The following NRXN3 variants were observed in gnomAD, a reference collection of about 807,000 sequenced individuals.
The protein encoded by NRXN3 is neurexin 3, also known as neurexin III.
A neutral mutation model predicts 137.6 loss-of-function variants in NRXN3; 32 were observed. The observed-to-expected ratio is 0.23, with a 90% CI of 0.18 to 0.31. The LOEUF (loss-of-function observed/expected upper bound fraction) is 0.31. NRXN3 is among the 10% of genes least tolerant of loss of function. The pLI is 1.00. For synonymous variants in NRXN3, 798 were observed against 784.5 expected (o/e 1.02, Z -0.29); for missense variants, 1,574 against 2,062.5 (o/e 0.76, Z 4.59).
At position 79,375,373 on chromosome 14, in the gene NRXN3, C is replaced by A. The variant is rs1050482907; in HGVS notation, c.3263-91848C>A. On this transcript the variant is annotated intron_variant, in intron 15 of 20. Transcript: ENST00000335750. ...AAATGAATGCATTGTTTTGACTCTG[C>A]AGGGAAATGACATAGAGAAAATAAG... is the stretch of plus-strand genomic sequence containing the variant. Among the ~76,000 whole-genome samples the A allele has an allele frequency of 3.4e-5, 5 of 149,022 alleles. No individual in the cohort carries two copies. In the South Asian group the frequency reaches 1.1e-3, roughly 31 times the overall value.
At chr14:79,185,249 T>A (rs996825714) in intron 15 of NRXN3, among the ~76,000 whole-genome samples, 1 of 152,130 alleles carries the variant, frequency 6.6e-6, no homozygotes, top group African/African-American at 2.4e-5. Context: ...TGAAGGGAAG[T>A]CACTCCACGC....
chr14:78,171,387 G>C (rs376520775), intron 1 of NRXN3, among the ~76,000 whole-genome samples: 3 of 151,654 alleles, frequency 2.0e-5, no homozygotes, highest in East Asian at 1.9e-4. Flanking sequence ...TGTTTGGATC[G>C]GTTACAAGGG....
rs566083383 is a variant in NRXN3, at chr14:79,706,560, C to T, written c.4014+8623C>T. Among the ~76,000 whole-genome samples, 78 of 151,620 alleles carry T rather than the reference C, an allele frequency of 5.1e-4. 1 individual carries two copies. In the South Asian group the frequency reaches 6.0e-3, roughly 12 times the overall value. On this transcript the variant is annotated intron_variant, in intron 19 of 20. Coordinates refer to ENST00000335750, the MANE Select transcript of NRXN3 (RefSeq NM_001330195.2). ...AGGAGGAAAGCCTCCTAAATGCCAT[C>T]ATGTTCCCAGGCTCAGAGCGAGATC...
intron 15 of NRXN3, among the ~76,000 whole-genome samples, chr14:79,087,071 T>G (rs1170690974): frequency 6.6e-6 from 1 of 152,142 alleles, no homozygotes; most frequent in East Asian, 1.9e-4. Flanking sequence ...GTGGCCAACC[T>G]GAAGATCAAT....
chr14:79,549,561 G>GC (rs1161512738), intron 16 of NRXN3, among the ~76,000 whole-genome samples: 3 of 151,976 alleles, frequency 2.0e-5, no homozygotes, highest in African/African-American at 7.2e-5. Flanking sequence ...TGAGTTTAGG[G>GC]CCCTGGAATA....
At chr14:79,574,610 G>A (rs1170104244) in intron 16 of NRXN3, among the ~76,000 whole-genome samples, 1 of 152,076 alleles carries the variant, frequency 6.6e-6, no homozygotes, top group African/African-American at 2.4e-5. Flanking sequence ...CCTCTCCACA[G>A]AGCTGCTTGA....
chr14:78,674,707 G>A lies in NRXN3; in HGVS notation c.1221+23381G>A, dbSNP rs999000946. Among the ~76,000 whole-genome samples, 5 of 152,158 alleles carry A rather than the reference G, an allele frequency of 3.3e-5. No individual in the cohort carries two copies. In the South Asian group the frequency reaches 1.0e-3, roughly 32 times the overall value. On this transcript the variant is annotated intron_variant, in intron 6 of 20. Coordinates refer to ENST00000335750, the MANE Select transcript of NRXN3 (RefSeq NM_001330195.2). ...TTTATAGACTATTAGGGGAGAGGGGGTTGGAGAGGCAGGTGACTTTTCAGC... is the reference window on the plus strand; with the variant it reads ...TTTATAGACTATTAGGGGAGAGGGGATTGGAGAGGCAGGTGACTTTTCAGC...
At chr14:79,644,267 A>G (rs1388569729) in intron 16 of NRXN3, among the ~76,000 whole-genome samples, 2 of 135,782 alleles carry the variant, frequency 1.5e-5, no homozygotes, top group African/African-American at 2.4e-5. Context: ...TTATCTCTAT[A>G]AGTATTCTAG....
intron 16 of NRXN3, among the ~76,000 whole-genome samples, chr14:79,525,648 T>C (rs887811397): frequency 1.3e-5 from 2 of 152,342 alleles, no homozygotes; most frequent in Admixed American, 1.3e-4. Context: ...CTGTTTTCAT[T>C]GCGTGGTATT....
At chr14:78,543,342 C>T (rs73324451) in intron 4 of NRXN3, among the ~76,000 whole-genome samples, 1 of 152,292 alleles carries the variant, frequency 6.6e-6, no homozygotes, top group Non-Finnish European at 1.5e-5. Flanking sequence ...GAGAGGAAGT[C>T]TTGAGCTTTT....
intron 15 of NRXN3, among the ~76,000 whole-genome samples, chr14:79,205,827 T>A (rs1197906974): frequency 1.3e-5 from 2 of 152,198 alleles, no homozygotes; most frequent in Non-Finnish European, 1.5e-5. Context: ...ACTTTTCTTC[T>A]ATTTCTCCAT....
chr14:79,790,686 T>C (rs1727286204), intron 19 of NRXN3, among the ~76,000 whole-genome samples: 1 of 146,348 alleles, frequency 6.8e-6, no homozygotes, highest in Admixed American at 7.1e-5. Flanking sequence ...AGTGGTGTGA[T>C]CTCAGCTCAC....
Position 78,968,290 on chromosome 14 carries a change from C to G in NRXN3, c.3086C>G (p.Pro1029Arg). 6.2e-7 allele frequency: 1 copy of G among 1,614,100 alleles called. No individual in the cohort carries two copies. The highest frequency in any genetic ancestry group is 8.5e-7 in the Non-Finnish European group (1 of 1,179,994). ...LASVDLNGRL[P>R]DLINDALHRS... ...TCAGTGGACTTGAATGGACGCCTGC[C>G]AGACCTCATCAATGATGCTCTTCAT... Residue 1029 changes from proline (P) to arginine (R), a missense_variant, in exon 14 of 21, where the codon CCA becomes CGA. Pro to Arg is a moderately radical substitution (Grantham distance 103). Around this residue, in one of 5 missense-constraint regions of NRXN3, gnomAD observed 718 missense variants for 887.6 expected, o/e 0.81. Coordinates refer to ENST00000335750, the MANE Select transcript of NRXN3 (RefSeq NM_001330195.2).
At position 79,565,275 on chromosome 14, in the gene NRXN3, G is replaced by GCACACGTGTGTA. The variant is rs1567519907; in HGVS notation, c.3444+97873_3444+97874insCACACGTGTGTA. ...TATATACATATACACATGTGTGTGT[G>GCACACGTGTGTA]TATACATATACGCACACATGTGTAT... On this transcript the variant is annotated intron_variant, in intron 16 of 20. Coordinates refer to ENST00000335750, the MANE Select transcript of NRXN3 (RefSeq NM_001330195.2). Among the ~76,000 whole-genome samples the GCACACGTGTGTA allele has an allele frequency of 2.6e-4, 23 of 89,852 alleles. No homozygotes were observed. The East Asian group carries it at 3.2e-3, about 13-fold the overall frequency. 58.9% of individuals were successfully genotyped at this position (89,852 alleles called of 152,430 possible).
intron 14 of NRXN3, among the ~76,000 whole-genome samples, chr14:78,987,365 G>A (rs763999105): frequency 2.6e-5 from 4 of 152,008 alleles, no homozygotes; most frequent in African/African-American, 9.7e-5. Flanking sequence ...GTGTCTTCCC[G>A]AGCTCAGTTT....
intron 15 of NRXN3, among the ~76,000 whole-genome samples, chr14:79,142,703 T>C (rs985208917): frequency 2.0e-4 from 31 of 152,058 alleles, no homozygotes; most frequent in Admixed American, 1.3e-3. Flanking sequence ...CTGACAGCCA[T>C]GGGGTGGACA....
chr14:79,131,816 T>A (rs2057525560), intron 15 of NRXN3, among the ~76,000 whole-genome samples: 1 of 152,228 alleles, frequency 6.6e-6, no homozygotes, highest in African/African-American at 2.4e-5. Flanking sequence ...ACTGCTGTGC[T>A]AGCAATCAGA....
At position 79,331,840 on chromosome 14, in the gene NRXN3, CTGTGTGTG is replaced by C. The variant is rs58746209; in HGVS notation, c.3263-135356_3263-135349del. Among the ~76,000 whole-genome samples, 996 of 148,814 alleles carry C rather than the reference CTGTGTGTG, an allele frequency of 6.7e-3. 6 individuals are homozygous for C. The highest frequency in any genetic ancestry group is 8.5e-3 in the Non-Finnish European group (567 of 66,784). On this transcript the variant is annotated intron_variant, in intron 15 of 20. Coordinates refer to ENST00000335750, the MANE Select transcript of NRXN3 (RefSeq NM_001330195.2). ...TTTAAAGTTTTAATTAAGGCTTTTG[CTGTGTGTG>C]TGTGTGTGTGTGTGTGTGTGTGTGA...
At chr14:78,365,163 T>TTA (rs535073220) in intron 4 of NRXN3, among the ~76,000 whole-genome samples, 3 of 152,194 alleles carry the variant, frequency 2.0e-5, no homozygotes, top group Non-Finnish European at 2.9e-5. Context: ...ATTTATAAAT[T>TTA]TATATATATA....
Sources: gnomAD v4.1 joint callset for allele counts (sites outside exome capture counted in the v4.1 genomes callset) on GRCh38, gnomAD v4.1.1 for gene constraint, gnomAD v4.1.1 regional missense constraint, MANE v1.5 for transcripts, NCBI Gene and HGNC (gene_info 2026-07-23, HGNC 2026-07-21) for gene names.